ITPK1: variants seen among roughly 807,000 people sequenced by gnomAD.
ITPK1 encodes inositol-tetrakisphosphate 1-kinase.
A neutral mutation model predicts 45.3 loss-of-function variants in ITPK1; 21 were observed. The observed-to-expected ratio is 0.46, with a 90% confidence interval of 0.33 to 0.67. The LOEUF (loss-of-function observed/expected upper bound fraction) is 0.67, where lower values mean the gene tolerates loss of function less well. Among genes scored for constraint, ITPK1 ranks in the 30% least tolerant of loss-of-function variants. The probability of loss-of-function intolerance (pLI) is 0.02; values close to 1 mark genes in which losing one functional copy is unlikely to be tolerated. For synonymous variants in ITPK1, 258 were observed against 253.6 expected (o/e 1.02, Z -0.16); for missense variants, 474 against 573.5 (o/e 0.83, Z 1.77).
At chr14:92,952,182 T>G (rs866593555) in intron 8 of ITPK1, among the ~76,000 whole-genome samples, 169 bp from the exon 9 acceptor site, 25 of 152,314 alleles carry the variant, frequency 1.6e-4, no homozygotes, top group Middle Eastern at 3.4e-3. Flanking sequence ...CACGGATGTG[T>G]GCCCCATCAG....
intron 7 of ITPK1, among the ~76,000 whole-genome samples, chr14:92,960,522 G>T (rs978526569): frequency 5.3e-5 from 8 of 152,336 alleles, no homozygotes; most frequent in African/African-American, 1.9e-4. Flanking sequence ...TCGCACAAAT[G>T]GCAACACACG....
At chr14:93,096,484 C>G (rs112657500) in intron 2 of ITPK1, among the ~76,000 whole-genome samples, 77 of 152,370 alleles carry the variant, frequency 5.1e-4, no homozygotes, top group African/African-American at 1.3e-3. Context: ...ACCACGAGGC[C>G]TGGCACGGAG....
At chr14:93,073,026 C>T (rs926664606) in intron 3 of ITPK1, among the ~76,000 whole-genome samples, 1 of 152,256 alleles carries the variant, frequency 6.6e-6, no homozygotes, top group African/African-American at 2.4e-5. Flanking sequence ...GTTTTATGCC[C>T]TGAGGTCTCA....
intron 3 of ITPK1, among the ~76,000 whole-genome samples, chr14:93,057,046 G>T (rs1009367214): frequency 1.3e-5 from 2 of 152,146 alleles, no homozygotes; most frequent in Non-Finnish European, 2.9e-5. Context: ...CTTAGAAAGC[G>T]CCTGGCTCAC....
chr14:93,027,178 G>C (rs1422303919), intron 3 of ITPK1, among the ~76,000 whole-genome samples: 1 of 152,206 alleles, frequency 6.6e-6, no homozygotes, highest in African/African-American at 2.4e-5. Context: ...GAGAGGACCA[G>C]GGGGCTTGTG....
chr14:92,991,712 C>T (rs575504429), intron 5 of ITPK1, among the ~76,000 whole-genome samples: 3 of 152,174 alleles, frequency 2.0e-5, no homozygotes, highest in African/African-American at 4.8e-5. Flanking sequence ...ACCTCATCAC[C>T]GGGTTCCTGC....
chr14:93,111,713 A>G (rs1007361280), intron 2 of ITPK1, among the ~76,000 whole-genome samples: 6 of 150,292 alleles, frequency 4.0e-5, no homozygotes, highest in Non-Finnish European at 8.9e-5. Context: ...TCCACCTCAA[A>G]AAAAAAAAAA....
chr14:93,011,995 C>T (rs1385442716), intron 4 of ITPK1, among the ~76,000 whole-genome samples: 1 of 152,128 alleles, frequency 6.6e-6, no homozygotes, highest in Non-Finnish European at 1.5e-5. Context: ...CATCGCCGCA[C>T]ATGCCCATCA....
intron 2 of ITPK1, among the ~76,000 whole-genome samples, chr14:93,102,499 G>T (rs2402241): frequency 6.6e-6 from 1 of 152,086 alleles, no homozygotes; most frequent in African/African-American, 2.4e-5. Flanking sequence ...TGGGCTGGGC[G>T]TGGTGGCTCA....
At chr14:92,974,988 C>T (rs534680919) in intron 5 of ITPK1, among the ~76,000 whole-genome samples, 1 of 152,334 alleles carries the variant, frequency 6.6e-6, no homozygotes, top group East Asian at 1.9e-4. Context: ...TGTGTCTCCT[C>T]CCTTGGACCC....
chr14:92,961,920 A>C (rs893406542), intron 7 of ITPK1, among the ~76,000 whole-genome samples: 5 of 152,226 alleles, frequency 3.3e-5, no homozygotes, highest in Non-Finnish European at 7.3e-5. Flanking sequence ...GTGAGGACAC[A>C]GTGAGAAGGT....
At chr14:93,044,064 G>A (rs1889675313) in intron 3 of ITPK1, among the ~76,000 whole-genome samples, 1 of 152,054 alleles carries the variant, frequency 6.6e-6, no homozygotes, top group Non-Finnish European at 1.5e-5. Context: ...GGAAGACAGA[G>A]CCAGAGGGTA....
chr14:93,094,941 C>A (rs2140012209), intron 2 of ITPK1, among the ~76,000 whole-genome samples: 1 of 152,374 alleles, frequency 6.6e-6, no homozygotes, highest in South Asian at 2.1e-4. Context: ...CACTACCTTC[C>A]ATCCATACCT....
At chr14:92,996,951 T>C (rs1241413577) in intron 4 of ITPK1, among the ~76,000 whole-genome samples, 1 of 152,210 alleles carries the variant, frequency 6.6e-6, no homozygotes, top group Non-Finnish European at 1.5e-5. Context: ...TTAGGGTCTC[T>C]GTAAAGATGG....
In ITPK1 at chr14:92,941,698, C is replaced by CG. The variant is rs758109535; in HGVS notation, c.1107dup (p.Ala370ArgfsTer6). On this transcript the variant is annotated frameshift_variant, in exon 11 of 11. Coordinates refer to ENST00000267615, the MANE Select transcript of ITPK1 (RefSeq NM_014216.6). LOFTEE classifies it high-confidence loss of function. ...GCGTCGGCCTCAGCCTTCCAGGGCG[C>CG]GTCCTGGCCCATCATGCTGCCGCAG... 6.4e-7 allele frequency: 1 copy of CG among 1,560,374 alleles called. No homozygotes were observed.
At chr14:93,079,734 A>C (rs1435991573) in intron 2 of ITPK1, among the ~76,000 whole-genome samples, 1 of 152,254 alleles carries the variant, frequency 6.6e-6, no homozygotes, top group Non-Finnish European at 1.5e-5. Flanking sequence ...TTCCCCAAGA[A>C]GCAAGTTCCT....
At chr14:92,945,868 C>A (rs73345181) in intron 10 of ITPK1, among the ~76,000 whole-genome samples, 8 of 152,188 alleles carry the variant, frequency 5.3e-5, no homozygotes, top group African/African-American at 1.9e-4. Context: ...CGCTGCAGTT[C>A]AGGGTGGTGG....
chr14:93,103,430 TAAG>T (rs755483949), intron 2 of ITPK1, among the ~76,000 whole-genome samples: 233 of 151,406 alleles, frequency 1.5e-3, no homozygotes, highest in Middle Eastern at 3.4e-3. Flanking sequence ...AAAAAAAAAA[TAAG>T]AAGAAGAAGA....
intron 3 of ITPK1, among the ~76,000 whole-genome samples, chr14:93,038,159 C>A (rs1889397562): frequency 6.6e-6 from 1 of 151,968 alleles, no homozygotes. Flanking sequence ...TTCAGCCTCC[C>A]AAGTAGCTGG....
Sources: gnomAD v4.1 joint callset for allele counts (sites outside exome capture counted in the v4.1 genomes callset) on GRCh38, gnomAD v4.1.1 for gene constraint, MANE v1.5 for transcripts, NCBI Gene and HGNC (gene_info 2026-07-23, HGNC 2026-07-21) for gene names.